CUEDC1: variants seen among roughly 807,000 people sequenced by gnomAD.
CUEDC1 encodes the protein CUE domain containing 1, also known as CUE domain-containing protein 1.
A neutral mutation model predicts 43.7 loss-of-function variants in CUEDC1; 30 were observed. That is an observed-to-expected ratio of 0.69 (90% CI 0.51 to 0.93). The LOEUF is 0.93. Among genes scored for constraint, CUEDC1 ranks in the 40% least tolerant of loss-of-function variants. The pLI is 0.00. For missense variants in CUEDC1, 486 were observed against 549.0 expected (o/e 0.89, Z 1.15); for synonymous variants, 223 against 223.6 (o/e 1.00, Z 0.02).
At chr17:57,889,886 G>A (rs547518518) in intron 1 of CUEDC1, among the ~76,000 whole-genome samples, 39 of 152,296 alleles carry the variant, frequency 2.6e-4, no homozygotes, top group African/African-American at 9.1e-4. Flanking sequence ...CAGAGTCTGA[G>A]GCCATGGCTG....
At position 57,896,487 on chromosome 17, in the gene CUEDC1, G is replaced by GGGGGGTGTGT. The variant is rs375270781; in HGVS notation, c.-315-10609_-315-10608insACACACCCCC. Among the ~76,000 whole-genome samples, 1,095 of 130,372 alleles carry GGGGGGTGTGT rather than the reference G, an allele frequency of 8.4e-3. 23 individuals are homozygous for GGGGGGTGTGT. Among genetic ancestry groups the GGGGGGTGTGT allele is most frequent in the Non-Finnish European group, 0.01 (658 of 62,760 alleles). 85.5% of individuals were successfully genotyped at this position (130,372 alleles called of 152,430 possible). A position where few individuals can be genotyped will look rare whatever the true frequency, so the allele number is the denominator to read the frequency against. On this transcript the variant is annotated intron_variant, in intron 1 of 10. Coordinates refer to ENST00000577830, the MANE Select transcript of CUEDC1 (RefSeq NM_001271875.2). Reference sequence around the variant, plus strand: ...GTCACTCTACTATAGTGCATTATGGGGTGTGTGTGTGTGTGTGTGTGTGTG... The same window carrying GGGGGGTGTGT: ...GTCACTCTACTATAGTGCATTATGGGGGGGGTGTGTGTGTGTGTGTGTGTGTGTGTGTGTG...
intron 1 of CUEDC1, among the ~76,000 whole-genome samples, chr17:57,946,226 C>T (rs997101597): frequency 2.0e-5 from 3 of 152,166 alleles, no homozygotes; most frequent in African/African-American, 7.2e-5. Flanking sequence ...CTCCAGGAGC[C>T]AACCAAGCAA....
At chr17:57,875,541 G>T (rs1012156315) in intron 3 of CUEDC1, among the ~76,000 whole-genome samples, 1 of 152,182 alleles carries the variant, frequency 6.6e-6, no homozygotes. Context: ...ACTCCATTGT[G>T]GTCGGAAAGG....
Position 57,884,975 on chromosome 17 carries a change from T to G in CUEDC1, c.336+254A>C, listed in dbSNP as rs186375737. On this transcript the variant is annotated intron_variant, in intron 2 of 10. Coordinates refer to ENST00000577830, the MANE Select transcript of CUEDC1 (RefSeq NM_001271875.2). ...CTGACTCAGGGTCTAGTGCCACGTC[T>G]CGCACACCACTGAGTGGGCGCTCAG... Among the ~76,000 whole-genome samples the G allele has an allele frequency of 1.6e-4, 24 of 152,362 alleles. No homozygotes were observed. In the East Asian group the frequency reaches 4.2e-3, roughly 27 times the overall value.
At chr17:57,877,870 G>T (rs1348933400) in intron 3 of CUEDC1, among the ~76,000 whole-genome samples, 1 of 137,868 alleles carries the variant, frequency 7.3e-6, no homozygotes, top group African/African-American at 2.8e-5. Context: ...GGATGACAGA[G>T]TGAGACTCCG....
At chr17:57,882,284 C>T (rs772207775) in intron 2 of CUEDC1, among the ~76,000 whole-genome samples, 7 of 149,330 alleles carry the variant, frequency 4.7e-5, no homozygotes, top group Non-Finnish European at 8.9e-5. Flanking sequence ...CCTATGGGCC[C>T]AGGCAGAGTT....
At chr17:57,882,287 G>A (rs905982219) in intron 2 of CUEDC1, among the ~76,000 whole-genome samples, 3 of 151,756 alleles carry the variant, frequency 2.0e-5, no homozygotes, top group East Asian at 1.9e-4. Context: ...ATGGGCCCAG[G>A]CAGAGTTCCA....
intron 1 of CUEDC1, among the ~76,000 whole-genome samples, chr17:57,887,108 A>AC (rs1239222028): frequency 2.0e-5 from 3 of 151,988 alleles, no homozygotes; most frequent in Non-Finnish European, 4.4e-5. Context: ...GGCGTGAGCC[A>AC]CCGTGCCCGG....
intron 2 of CUEDC1, among the ~76,000 whole-genome samples, chr17:57,882,956 A>T (rs569562398): frequency 6.6e-6 from 1 of 152,318 alleles, no homozygotes; most frequent in South Asian, 2.1e-4. Context: ...TATATTAAAA[A>T]GTGGATTTTT....
At chr17:57,867,763 G>T in intron 8 of CUEDC1, 1 of 473,062 alleles carries the variant, frequency 2.1e-6, no homozygotes, top group Non-Finnish European at 3.8e-6. Flanking sequence ...AGGAAGGGAG[G>T]GCCAACATGC....
chr17:57,915,570 G>C (rs1325483745), intron 1 of CUEDC1, among the ~76,000 whole-genome samples: 1 of 152,320 alleles, frequency 6.6e-6, no homozygotes, highest in African/African-American at 2.4e-5. Context: ...AGTTTTGGAT[G>C]ATGCAGTTTA....
intron 1 of CUEDC1, among the ~76,000 whole-genome samples, chr17:57,905,265 C>CACACACAT (rs1427444657): frequency 6.8e-6 from 1 of 147,788 alleles, no homozygotes; most frequent in Non-Finnish European, 1.5e-5. Context: ...CACACACACA[C>CACACACAT]ACACACACAC....
In CUEDC1 at chr17:57,885,794, A is replaced by G; in HGVS notation, c.-230T>C. 2.1e-6 allele frequency: 1 copy of G among 486,264 alleles called. No homozygotes were observed. Among genetic ancestry groups the G allele is most frequent in the Non-Finnish European group, 3.2e-6 (1 of 314,006 alleles). The allele number at this position is 486,264 out of a possible 1,614,324, so 30.1% of individuals were successfully genotyped here. On this transcript the variant is annotated 5_prime_UTR_variant, in exon 2 of 11. The change abolishes an upstream ATG in the 5' untranslated region. Transcript: ENST00000577830. Reference sequence around the variant, plus strand: ...AGAGCGGTCCTCGCGGGGCGGTGGCATGCGGGACCGGGCCGTGCTGGGGCT... The same window carrying G: ...AGAGCGGTCCTCGCGGGGCGGTGGCGTGCGGGACCGGGCCGTGCTGGGGCT...
At chr17:57,931,415 T>C (rs913686951) in intron 1 of CUEDC1, among the ~76,000 whole-genome samples, 1 of 152,170 alleles carries the variant, frequency 6.6e-6, no homozygotes, top group Non-Finnish European at 1.5e-5. Flanking sequence ...CACTGCCACA[T>C]GCCGGGCACT....
In CUEDC1 at chr17:57,861,704, G is replaced by C. The variant is rs918499333; in HGVS notation, c.*1585C>G. On this transcript the variant is annotated 3_prime_UTR_variant, in exon 11 of 11. Transcript: ENST00000577830. ...TAACAAAGCAACACTCAACAGACAT[G>C]GGGCTGGGGCTTCCCCCACAGTGCG... The C allele has an allele frequency of 6.6e-6, 1 of 152,248 alleles. No individual in the cohort carries two copies. Among genetic ancestry groups the C allele is most frequent in the Non-Finnish European group, 1.5e-5 (1 of 68,050 alleles). 9.4% of individuals were successfully genotyped at this position (152,248 alleles called of 1,614,324 possible).
intron 1 of CUEDC1, among the ~76,000 whole-genome samples, chr17:57,934,561 A>T (rs111244168): frequency 0.03 from 1,440 of 48,162 alleles, 13 homozygotes; most frequent in South Asian, 0.039. Flanking sequence ...TGTCTCTCTA[A>T]AAAAAAAAAA....
chr17:57,916,713 C>T (rs545176836), intron 1 of CUEDC1, among the ~76,000 whole-genome samples: 1 of 152,282 alleles, frequency 6.6e-6, no homozygotes, highest in Admixed American at 6.5e-5. Context: ...GGCTCACAAA[C>T]TCGCCTGGGC....
chr17:57,904,097 C>T lies in CUEDC1; in HGVS notation c.-315-18218G>A, dbSNP rs11867763. Among the ~76,000 whole-genome samples the T allele has an allele frequency of 9.9e-3, 1,514 of 152,180 alleles. 18 individuals carry two copies. Among genetic ancestry groups the T allele is most frequent in the Non-Finnish European group, 0.014 (936 of 67,966 alleles). ...CAGCCAGACCCCAGTGGGAGCCCTG[C>T]GTCTGGGAGAGATGAAAGACACCCC... On this transcript the variant is annotated intron_variant, in intron 1 of 10. Transcript: ENST00000577830.
At chr17:57,948,377 C>A (rs916591798) in intron 1 of CUEDC1, among the ~76,000 whole-genome samples, 2 of 152,030 alleles carry the variant, frequency 1.3e-5, no homozygotes, top group African/African-American at 4.8e-5. Flanking sequence ...CAGTGAGCAC[C>A]CCCGGGTGAT....
Sources: gnomAD v4.1 joint callset for allele counts (sites outside exome capture counted in the v4.1 genomes callset) on GRCh38, gnomAD v4.1.1 for gene constraint, MANE v1.5 for transcripts, NCBI Gene and HGNC (gene_info 2026-07-23, HGNC 2026-07-21) for gene names.